The following FOXP2 variants were observed in gnomAD, a reference collection of about 807,000 sequenced individuals.
The protein encoded by FOXP2 is forkhead box protein P2.
In FOXP2, 12 loss-of-function variants were observed where a neutral mutation model predicts 115.8. The ratio of observed to expected loss-of-function variants is 0.10; its 90% CI spans 0.07 to 0.17. The LOEUF (loss-of-function observed/expected upper bound fraction) is 0.17, where lower values mean the gene tolerates loss of function less well. Among genes scored for constraint, FOXP2 ranks in the 10% least tolerant of loss-of-function variants. The pLI, the probability that FOXP2 is intolerant of heterozygous loss-of-function variation, is 1.00. For missense variants in FOXP2, 629 were observed against 843.5 expected, an observed-to-expected ratio of 0.75 and a Z score of 3.15; for synonymous variants, 328 against 297.7, an observed-to-expected ratio of 1.10 and a Z score of -1.05.
chr7:114,415,453 A>C (rs1584706588), intron 1 of FOXP2, 93 bp downstream of exon 1: 2 of 357,234 alleles, frequency 5.6e-6, no homozygotes, highest in Admixed American at 3.8e-5. Flanking sequence ...CAATTGCTTT[A>C]CTTTTTTTTT....
At chr7:114,351,700 TGTA>T (rs2129185917) in intron 2 of FOXP2, among the ~76,000 whole-genome samples, 1 of 152,118 alleles carries the variant, frequency 6.6e-6, no homozygotes, top group East Asian at 1.9e-4. Context: ...TCTTACAATA[TGTA>T]GTAAATGTTA....
At position 114,415,018 on chromosome 7, in the gene FOXP2, A is replaced by G. The variant is rs1327475613; in HGVS notation, c.-353A>G. On this transcript the variant is annotated 5_prime_UTR_variant, in exon 1 of 17. Coordinates refer to ENST00000350908, the MANE Select transcript of FOXP2 (RefSeq NM_014491.4). ...CAGTCTTGAACCTTTGTCACCCCTC[A>G]CGTTGCACACCAAAGACATACCCTA... 4.4e-6 allele frequency: 2 copies of G among 450,778 alleles called. No individual in the cohort carries two copies. The highest frequency in any genetic ancestry group is 8.9e-6 in the Non-Finnish European group (2 of 224,664). 27.9% of individuals were successfully genotyped at this position (450,778 alleles called of 1,614,324 possible). A position where few individuals can be genotyped will look rare whatever the true frequency, so the allele number is the denominator to read the frequency against.
intron 3 of FOXP2, among the ~76,000 whole-genome samples, chr7:114,603,298 A>G (rs1474405881): frequency 6.6e-6 from 1 of 152,230 alleles, no homozygotes; most frequent in Non-Finnish European, 1.5e-5. Context: ...AACTGTTCTC[A>G]GAGTACTTTA....
At chr7:114,362,859 G>T (rs1186708463) in intron 2 of FOXP2, among the ~76,000 whole-genome samples, 1 of 152,042 alleles carries the variant, frequency 6.6e-6, no homozygotes, top group Non-Finnish European at 1.5e-5. Flanking sequence ...AAAGACGAGG[G>T]AATTAAGAGG....
intron 11 of FOXP2, among the ~76,000 whole-genome samples, 163 bp downstream of exon 11, chr7:114,658,430 A>G (rs1806702607): frequency 6.6e-6 from 1 of 152,138 alleles, no homozygotes; most frequent in South Asian, 2.1e-4. Context: ...GCGATTCCCT[A>G]AGCACATCAT....
chr7:114,538,506 A>C, intron 3 of FOXP2: 1 of 497,806 alleles, frequency 2.0e-6, no homozygotes, highest in Non-Finnish European at 3.3e-6. Context: ...GAATTATAAA[A>C]TTTTTATAAT....
chr7:114,576,828 A>G (rs1169410721), intron 3 of FOXP2, among the ~76,000 whole-genome samples: 1 of 151,950 alleles, frequency 6.6e-6, no homozygotes, highest in East Asian at 1.9e-4. Flanking sequence ...TTCTGTATTT[A>G]CTATTTGTAT....
chr7:114,665,502 G>A (rs1037329651), intron 16 of FOXP2: 1 of 151,922 alleles, frequency 6.6e-6, no homozygotes, highest in Admixed American at 6.6e-5. Flanking sequence ...ACCTTTCACA[G>A]GGTATTATTT....
chr7:114,197,697 C>A (rs1468825842), intron 1 of FOXP2, among the ~76,000 whole-genome samples: 1 of 151,984 alleles, frequency 6.6e-6, no homozygotes, highest in Non-Finnish European at 1.5e-5. Flanking sequence ...TAGTCCTAAC[C>A]TTTTTTCTAA....
intron 1 of FOXP2, among the ~76,000 whole-genome samples, chr7:114,196,243 C>T (rs1324151827): frequency 2.0e-5 from 3 of 151,902 alleles, no homozygotes; most frequent in Admixed American, 1.3e-4. Flanking sequence ...ATCTCTTGAC[C>T]TCGTGATTTG....
chr7:114,235,136 A>G (rs868641410), intron 1 of FOXP2, among the ~76,000 whole-genome samples: 29 of 151,282 alleles, frequency 1.9e-4, no homozygotes, highest in Middle Eastern at 3.5e-3. Context: ...CATCACTCCA[A>G]TGTTTTTTTT....
chr7:114,168,718 A>ACGT (rs1310132664), intron 1 of FOXP2, among the ~76,000 whole-genome samples: 1 of 152,184 alleles, frequency 6.6e-6, no homozygotes, highest in African/African-American at 2.4e-5. Context: ...AATCCTCAAG[A>ACGT]CAATGGGGAA....
At chr7:114,424,887 A>G (rs1793773863) in intron 1 of FOXP2, among the ~76,000 whole-genome samples, 1 of 151,114 alleles carries the variant, frequency 6.6e-6, no homozygotes, top group African/African-American at 2.4e-5. Flanking sequence ...TAGTCCAGCT[A>G]TTGACGTTTT....
intron 2 of FOXP2, among the ~76,000 whole-genome samples, chr7:114,491,752 G>A (rs534507022): frequency 6.6e-6 from 1 of 152,250 alleles, no homozygotes; most frequent in African/African-American, 2.4e-5. Context: ...TGCATCCCAG[G>A]GATGAAGCCC....
chr7:114,671,713 G>C (rs373890836), intron 16 of FOXP2, among the ~76,000 whole-genome samples: 1 of 152,092 alleles, frequency 6.6e-6, no homozygotes, highest in East Asian at 1.9e-4. Context: ...TACTGCTATG[G>C]TATTTTAATT....
chr7:114,120,187 G>C (rs527577966), intron 1 of FOXP2, among the ~76,000 whole-genome samples: 1 of 152,180 alleles, frequency 6.6e-6, no homozygotes, highest in Non-Finnish European at 1.5e-5. Context: ...GTCTGGTTTT[G>C]AGCAAACTCA....
chr7:114,630,339 C>T (rs545948674), intron 5 of FOXP2, among the ~76,000 whole-genome samples: 5 of 152,062 alleles, frequency 3.3e-5, no homozygotes, highest in African/African-American at 1.2e-4. Flanking sequence ...CTCAGTGGTG[C>T]AGCTCAGAGA....
intron 1 of FOXP2, among the ~76,000 whole-genome samples, chr7:114,211,255 A>G (rs1404722242): frequency 6.6e-6 from 1 of 152,194 alleles, no homozygotes; most frequent in African/African-American, 2.4e-5. Context: ...CAGAGTATGT[A>G]AAACTCCTGG....
At chr7:114,313,072 C>G (rs1303134932) in intron 2 of FOXP2, among the ~76,000 whole-genome samples, 2 of 152,168 alleles carry the variant, frequency 1.3e-5, no homozygotes, top group Non-Finnish European at 2.9e-5. Context: ...GACTGAACAT[C>G]TTCATGGTGC....
Sources: gnomAD v4.1 joint callset for allele counts (sites outside exome capture counted in the v4.1 genomes callset) on GRCh38, gnomAD v4.1.1 for gene constraint, MANE v1.5 for transcripts, NCBI Gene and HGNC (gene_info 2026-07-23, HGNC 2026-07-21) for gene names.